Variants in PPM1L observed in about 807,000 individuals in gnomAD.
PPM1L encodes protein phosphatase, Mg2+/Mn2+ dependent 1L, also known as protein phosphatase 1L.
A neutral mutation model predicts 31.4 loss-of-function variants in PPM1L; 13 were observed. The observed-to-expected ratio is 0.41, with a 90% CI of 0.27 to 0.66. The LOEUF is 0.66. Ranked by LOEUF, PPM1L falls within the 30% of genes least tolerant of loss-of-function variation. PPM1L has a pLI of 0.29. For synonymous variants in PPM1L, 184 were observed against 175.4 expected (o/e 1.05, Z -0.39); for missense variants, 326 against 453.7 (o/e 0.72, Z 2.56).
Position 160,758,360 on chromosome 3 carries a change from G to C in PPM1L, c.399+1653G>C, listed in dbSNP as rs968703983. Among the ~76,000 whole-genome samples the C allele has an allele frequency of 6.6e-5, 10 of 152,256 alleles. No homozygotes were observed. The South Asian group carries it at 1.5e-3, about 22-fold the overall frequency. On this transcript the variant is annotated intron_variant, in intron 1 of 3. Coordinates refer to ENST00000498165, the MANE Select transcript of PPM1L (RefSeq NM_139245.4). ...TTTTTTGTGCCTAAATTCAATGAGG[G>C]TGAAGGAAGCTGTGATTCCTTCCTT...
intron 1 of PPM1L, among the ~76,000 whole-genome samples, chr3:160,826,505 C>A (rs1383925253): frequency 1.3e-5 from 2 of 152,068 alleles, no homozygotes; most frequent in Non-Finnish European, 2.9e-5. Flanking sequence ...TTAATAGCAA[C>A]AAAAATGTCA....
chr3:160,968,065 T>A (rs1411354372), intron 2 of PPM1L, among the ~76,000 whole-genome samples: 3 of 152,036 alleles, frequency 2.0e-5, no homozygotes. Context: ...AAGAAGACCA[T>A]CACTCAGCTT....
At chr3:160,818,881 T>C (rs6771910) in intron 1 of PPM1L, among the ~76,000 whole-genome samples, 13,907 of 151,982 alleles carry the variant, frequency 0.092, 975 homozygotes, top group African/African-American at 0.19. Flanking sequence ...GCTTGACTTT[T>C]TAAAAAATTT....
intron 1 of PPM1L, among the ~76,000 whole-genome samples, chr3:160,955,586 A>G (rs913828732): frequency 2.6e-5 from 4 of 151,618 alleles, no homozygotes; most frequent in Non-Finnish European, 4.4e-5. Context: ...TTTTCCCAAC[A>G]GTTCAAGCCT....
intron 1 of PPM1L, among the ~76,000 whole-genome samples, chr3:160,831,587 C>G (rs1713528040): frequency 6.6e-6 from 1 of 152,164 alleles, no homozygotes; most frequent in African/African-American, 2.4e-5. Context: ...CTCATGGGAG[C>G]TAATTAGATG....
At chr3:161,060,245 A>G (rs568403797) in intron 2 of PPM1L, among the ~76,000 whole-genome samples, 45 of 139,066 alleles carry the variant, frequency 3.2e-4, no homozygotes, top group African/African-American at 1.1e-3. Flanking sequence ...CAGTCAACCA[A>G]TGTCAAGGAC....
chr3:160,987,379 C>G (rs1025712008), intron 2 of PPM1L, among the ~76,000 whole-genome samples: 3 of 152,152 alleles, frequency 2.0e-5, no homozygotes, highest in Admixed American at 6.5e-5. Flanking sequence ...AGCTTTCCCC[C>G]CAACAGGCCT....
chr3:160,935,365 G>A (rs537911040), intron 1 of PPM1L, among the ~76,000 whole-genome samples: 1 of 152,248 alleles, frequency 6.6e-6, no homozygotes, highest in South Asian at 2.1e-4. Context: ...CAACAGTCAG[G>A]GTAACCTTTC....
intron 2 of PPM1L, among the ~76,000 whole-genome samples, chr3:160,976,617 C>T (rs1158157810): frequency 2.0e-5 from 3 of 151,848 alleles, no homozygotes; most frequent in Non-Finnish European, 4.4e-5. Context: ...GTGTATGTGT[C>T]AAGGAATTTA....
At chr3:160,761,039 T>C (rs1187159454) in intron 1 of PPM1L, among the ~76,000 whole-genome samples, 2 of 152,198 alleles carry the variant, frequency 1.3e-5, no homozygotes, top group Non-Finnish European at 2.9e-5. Flanking sequence ...GAAGAATATA[T>C]ATATAGTCTT....
intron 1 of PPM1L, among the ~76,000 whole-genome samples, chr3:160,899,725 G>A (rs1713475510): frequency 6.6e-6 from 1 of 152,106 alleles, no homozygotes; most frequent in African/African-American, 2.4e-5. Flanking sequence ...CTGCCTTTGG[G>A]TTGGAGAAAA....
intron 1 of PPM1L, among the ~76,000 whole-genome samples, chr3:160,900,496 G>A (rs539034790): frequency 2.0e-5 from 3 of 152,012 alleles, no homozygotes; most frequent in Admixed American, 6.5e-5. Flanking sequence ...GGCTCCAACC[G>A]AACAAGAAAA....
At chr3:160,772,193 C>T (rs899112161) in intron 1 of PPM1L, among the ~76,000 whole-genome samples, 2 of 152,142 alleles carry the variant, frequency 1.3e-5, no homozygotes, top group Non-Finnish European at 2.9e-5. Flanking sequence ...CTCTCTATAC[C>T]TTCATATTAG....
intron 1 of PPM1L, among the ~76,000 whole-genome samples, chr3:160,944,409 T>G (rs1715257474): frequency 6.6e-6 from 1 of 151,738 alleles, no homozygotes. Context: ...TTTTTAATCT[T>G]ACATTAAATA....
intron 1 of PPM1L, chr3:160,882,393 G>A (rs755691194): frequency 6.6e-6 from 1 of 152,130 alleles, no homozygotes; most frequent in African/African-American, 2.4e-5. Context: ...GAACAAGTAT[G>A]CATATTTTAG....
chr3:161,066,353 G>T (rs535738319), intron 3 of PPM1L, among the ~76,000 whole-genome samples: 15 of 152,054 alleles, frequency 9.9e-5, no homozygotes, highest in Non-Finnish European at 2.1e-4. Flanking sequence ...TTGGCATGGG[G>T]GTGAGGAATG....
At chr3:160,964,839 T>C (rs372069184) in intron 2 of PPM1L, among the ~76,000 whole-genome samples, 7 of 152,000 alleles carry the variant, frequency 4.6e-5, no homozygotes, top group Non-Finnish European at 8.8e-5. Flanking sequence ...CAAAAGTTAC[T>C]ACCTCCTCCT....
At chr3:160,996,799 T>A (rs1180322255) in intron 2 of PPM1L, among the ~76,000 whole-genome samples, 1 of 152,144 alleles carries the variant, frequency 6.6e-6, no homozygotes, top group African/African-American at 2.4e-5. Context: ...AAAAATATTT[T>A]AAAAATTAAC....
chr3:160,778,720 A>G lies in PPM1L; in HGVS notation c.399+22013A>G, dbSNP rs1007711082. ...CATATGAGTTGTCACAGCTGTGGGG[A>G]GCATGGGGGAAAGTTGTCCAATGTG... On this transcript the variant is annotated intron_variant, in intron 1 of 3. Coordinates refer to ENST00000498165, the MANE Select transcript of PPM1L (RefSeq NM_139245.4). 2.0e-5 allele frequency among the ~76,000 whole-genome samples: 3 copies of G among 152,142 alleles called. No homozygotes were observed. The East Asian group carries it at 5.8e-4, about 29-fold the overall frequency.
Sources: allele counts gnomAD v4.1 joint callset (sites outside exome capture counted in the v4.1 genomes callset), GRCh38; gene constraint gnomAD v4.1.1; transcripts MANE v1.5; gene names NCBI Gene and HGNC (gene_info 2026-07-23, HGNC 2026-07-21).